The following TCF12 variants were observed in gnomAD, a reference collection of about 807,000 sequenced individuals.
TCF12 encodes transcription factor 12.
TCF12 carries 45 observed loss-of-function variants against 86.0 expected under a neutral mutation model. That is an observed-to-expected ratio of 0.52 (90% CI 0.41 to 0.67). The LOEUF (loss-of-function observed/expected upper bound fraction) is 0.67, where lower values mean the gene tolerates loss of function less well. TCF12 is among the 30% of genes least tolerant of loss of function. TCF12 has a pLI of 0.00. For missense variants in TCF12, 881 were observed against 859.9 expected, an observed-to-expected ratio of 1.02 and a Z score of -0.31; for synonymous variants, 330 against 299.6, an observed-to-expected ratio of 1.10 and a Z score of -1.05.
intron 3 of TCF12, among the ~76,000 whole-genome samples, chr15:57,011,752 A>G (rs1164030317): frequency 6.6e-6 from 1 of 152,124 alleles, no homozygotes; most frequent in Non-Finnish European, 1.5e-5. Flanking sequence ...TCCACCCTCA[A>G]GAAACCCCCA....
At chr15:57,069,059 G>A (rs552730494) in intron 4 of TCF12, among the ~76,000 whole-genome samples, 2 of 152,220 alleles carry the variant, frequency 1.3e-5, no homozygotes, top group African/African-American at 4.8e-5. Context: ...AGGTCATCTT[G>A]GTTTCTCTGC....
chr15:57,057,162 T>C (rs2068094674), intron 3 of TCF12, among the ~76,000 whole-genome samples: 1 of 152,206 alleles, frequency 6.6e-6, no homozygotes, highest in Non-Finnish European at 1.5e-5. Context: ...ACAAACTGCC[T>C]TGTGCCTGCC....
At chr15:57,206,308 C>A (rs1385106120) in intron 8 of TCF12, among the ~76,000 whole-genome samples, 1 of 152,130 alleles carries the variant, frequency 6.6e-6, no homozygotes, top group African/African-American at 2.4e-5. Flanking sequence ...TGAGACCAGC[C>A]TGGCCAACAT....
At chr15:56,958,497 G>T (rs2061591412) in intron 3 of TCF12, among the ~76,000 whole-genome samples, 1 of 152,114 alleles carries the variant, frequency 6.6e-6, no homozygotes, top group African/African-American at 2.4e-5. Flanking sequence ...TTAAAAAAAT[G>T]CATTCCTCAT....
rs550396818 is a variant in TCF12 at position 57,252,336 on chromosome 15, G to A, written c.1189-85G>A. On this transcript the variant is annotated intron_variant, in intron 14 of 20. Coordinates refer to ENST00000333725, the MANE Select transcript of TCF12 (RefSeq NM_207037.2). The stretch of plus-strand genomic sequence containing the variant: ...GTTAACTTTACTAACATGTTATGCT[G>A]ACATGCATATCAGCTATTTCCTCAT... 53 of 955,852 alleles carry A rather than the reference G, an allele frequency of 5.5e-5. No homozygotes were observed. In the South Asian group the frequency reaches 5.8e-4, roughly 11 times the overall value. 59.2% of individuals were successfully genotyped at this position (955,852 alleles called of 1,614,324 possible). A position where few individuals can be genotyped will look rare whatever the true frequency, so the allele number is the denominator to read the frequency against.
Position 57,192,262 on chromosome 15 carries a change from G to T in TCF12, c.495G>T (p.Arg165Ser), listed in dbSNP as rs761899725. 1.9e-6 allele frequency: 3 copies of T among 1,614,068 alleles called. No individual in the cohort carries two copies. In the Admixed American group the frequency reaches 5.0e-5, roughly 27 times the overall value. The part of the protein sequence containing the change: ...AYYSFSATSS[R>S]RRPLHDSAAL... ...ATTCATTCTCTGCTACAAGTTCCAG[G>T]AGGAGACCACTCCATGACTCTGCAG... The change falls in exon 7 of 21, where the codon AGG becomes AGT. Residue 165 changes from arginine (R) to serine (S), a missense_variant. By Grantham distance (110) the Arg-to-Ser change is moderately radical. This residue lies in a region of TCF12 where 766 missense variants were observed against 718.9 expected (regional missense o/e 1.07). Coordinates refer to ENST00000333725, the MANE Select transcript of TCF12 (RefSeq NM_207037.2).
At chr15:56,984,249 GGTGTGTGTGTGTGTGTGTGTGT>G (rs56221122) in intron 3 of TCF12, among the ~76,000 whole-genome samples, 10 of 123,074 alleles carry the variant, frequency 8.1e-5, no homozygotes, top group African/African-American at 2.5e-4. Flanking sequence ...GCATGTGCAT[GGTGTGTGTGTGTGTGTGTGTGT>G]GTGTGTGTGT....
rs573390121 is a variant in TCF12, at chr15:57,040,483, T to G, written c.149-23267T>G. On this transcript the variant is annotated intron_variant, in intron 3 of 20. Coordinates refer to ENST00000333725, the MANE Select transcript of TCF12 (RefSeq NM_207037.2). ...AGGAGTTCCGTAAGAATTGGCTGAA[T>G]AGTAGGAGTTTGACTTTCTGAAAAG... 5.3e-5 allele frequency among the ~76,000 whole-genome samples: 8 copies of G among 152,340 alleles called. No individual in the cohort carries two copies. The East Asian group carries it at 1.5e-3, about 29-fold the overall frequency.
intron 8 of TCF12, among the ~76,000 whole-genome samples, chr15:57,217,405 T>C (rs1248083871): frequency 6.6e-6 from 1 of 152,190 alleles, no homozygotes; most frequent in Non-Finnish European, 1.5e-5. Context: ...GGTGTTAAAA[T>C]ATTAAAATTT....
chr15:57,263,487 A>G (rs1055875784), intron 18 of TCF12, among the ~76,000 whole-genome samples: 2 of 152,220 alleles, frequency 1.3e-5, no homozygotes, highest in Non-Finnish European at 2.9e-5. Flanking sequence ...CCTTCATACT[A>G]TACCATTTGA....
At chr15:57,093,677 CA>C (rs2049137449) in intron 5 of TCF12, among the ~76,000 whole-genome samples, 1 of 152,126 alleles carries the variant, frequency 6.6e-6, no homozygotes, top group African/African-American at 2.4e-5. Flanking sequence ...AACATTTTCT[CA>C]GTTGGAGCAA....
chr15:56,956,453 CATATAGTTAA>C (rs1345333387), intron 3 of TCF12, among the ~76,000 whole-genome samples: 2 of 151,786 alleles, frequency 1.3e-5, no homozygotes, highest in Admixed American at 6.6e-5. Context: ...ATGTCATTTC[CATATAGTTAA>C]TGGAGTTACC....
chr15:57,101,590 C>T (rs185493663), intron 5 of TCF12, among the ~76,000 whole-genome samples: 15 of 152,324 alleles, frequency 9.8e-5, no homozygotes, highest in Admixed American at 6.5e-4. Context: ...CGCATGTGCA[C>T]GCGTGCGTGC....
chr15:57,173,022 G>A (rs1395957524), intron 6 of TCF12, among the ~76,000 whole-genome samples: 4 of 152,096 alleles, frequency 2.6e-5, no homozygotes, highest in Middle Eastern at 3.4e-3. Flanking sequence ...CCAGGAGTTC[G>A]AGGCTGCAGT....
intron 3 of TCF12, among the ~76,000 whole-genome samples, chr15:57,042,689 C>T: frequency 6.6e-6 from 1 of 152,148 alleles, no homozygotes; most frequent in Admixed American, 6.5e-5. Context: ...GCTGGGATTA[C>T]AAATGTGAGC....
chr15:56,926,192 A>T (rs1396790272), intron 3 of TCF12, among the ~76,000 whole-genome samples: 1 of 152,178 alleles, frequency 6.6e-6, no homozygotes, highest in Non-Finnish European at 1.5e-5. Flanking sequence ...TCATGCCTGT[A>T]GTCCCAGCTA....
At chr15:57,164,430 T>C (rs776216105) in intron 5 of TCF12, among the ~76,000 whole-genome samples, 7 of 152,156 alleles carry the variant, frequency 4.6e-5, no homozygotes, top group Non-Finnish European at 8.8e-5. Flanking sequence ...GTGTCCTCCT[T>C]CACATGGCAG....
intron 3 of TCF12, among the ~76,000 whole-genome samples, chr15:56,989,265 G>C (rs916759805): frequency 6.6e-6 from 1 of 152,126 alleles, no homozygotes; most frequent in Non-Finnish European, 1.5e-5. Flanking sequence ...TAGTTTAAAT[G>C]GTTATGAGAC....
At chr15:57,280,173 A>AG (rs2061619758) in intron 19 of TCF12, among the ~76,000 whole-genome samples, 1 of 152,220 alleles carries the variant, frequency 6.6e-6, no homozygotes, top group South Asian at 2.1e-4. Context: ...TATAGGCATG[A>AG]GCCACCACGC....
Sources: gnomAD v4.1 joint callset for allele counts (sites outside exome capture counted in the v4.1 genomes callset) on GRCh38, gnomAD v4.1.1 for gene constraint, gnomAD v4.1.1 regional missense constraint, MANE v1.5 for transcripts, NCBI Gene and HGNC (gene_info 2026-07-23, HGNC 2026-07-21) for gene names.